BRF1: variants seen among roughly 807,000 people sequenced by gnomAD.
The protein encoded by BRF1 is BRF1 general transcription factor IIIB subunit.
In BRF1, 59 loss-of-function variants were observed where a neutral mutation model predicts 81.7. The ratio of observed to expected loss-of-function variants is 0.72; its 90% CI spans 0.59 to 0.90. The LOEUF (loss-of-function observed/expected upper bound fraction) is 0.90. Ranked by LOEUF, BRF1 falls within the 40% of genes least tolerant of loss-of-function variation. BRF1 has a pLI of 0.00. For missense variants in BRF1, 1,050 were observed against 936.3 expected, an observed-to-expected ratio of 1.12 and a Z score of -1.58; for synonymous variants, 491 against 395.6, an observed-to-expected ratio of 1.24 and a Z score of -2.86.
In BRF1 at chr14:105,271,089, T is replaced by A. The variant is rs587746889; in HGVS notation, c.439+1632A>T. On this transcript the variant is annotated intron_variant, in intron 3 of 17. Transcript: ENST00000547530. The surrounding 1 kb of genome is among the most constrained non-coding windows in gnomAD (Gnocchi z 5.5). ...CCAGAGCTCTTAGAGATGAAAAACATGAAAGAAATGAAACAGCCTGCTGGA... is the reference window on the plus strand; with the variant it reads ...CCAGAGCTCTTAGAGATGAAAAACAAGAAAGAAATGAAACAGCCTGCTGGA... 9.9e-4 allele frequency among the ~76,000 whole-genome samples: 150 copies of A among 152,058 alleles called. 1 individual carries two copies. The highest frequency in any genetic ancestry group is 3.4e-3 in the African/African-American group (140 of 41,484).
chr14:105,306,683 G>A (rs587649115), intron 1 of BRF1, among the ~76,000 whole-genome samples: 51 of 151,930 alleles, frequency 3.4e-4, no homozygotes, highest in African/African-American at 1.2e-3. Flanking sequence ...TTGATGTACC[G>A]CAATCTCTAC....
chr14:105,241,727 C>T (rs750832867), intron 5 of BRF1: 4 of 423,110 alleles, frequency 9.5e-6, no homozygotes, highest in African/African-American at 6.0e-5. Flanking sequence ...GCCTTCCCTC[C>T]AGACCATGCA....
intron 15 of BRF1, chr14:105,212,472 C>G (rs1890276272): frequency 2.7e-6 from 1 of 374,666 alleles, no homozygotes; most frequent in Non-Finnish European, 4.9e-6. Flanking sequence ...TGCCTGGTGC[C>G]CTACCTCACT....
Position 105,219,140 on chromosome 14 carries a change from G to A in BRF1, c.1459+11C>T, listed in dbSNP as rs936591117. The A allele has an allele frequency of 1.9e-6, 3 of 1,612,434 alleles. No homozygotes were observed. The highest frequency in any genetic ancestry group is 1.3e-5 in the African/African-American group (1 of 74,916). On this transcript the variant is annotated intron_variant, in intron 13 of 17. Transcript: ENST00000547530. ...GCGTCCTGCGTGTGAGTGTGGGCGG[G>A]TGGCGCTTACCCCTCTGTTCCCGCA...
chr14:105,256,661 C>A, intron 3 of BRF1, 112 bp from the exon 4 acceptor site: 1 of 1,474,218 alleles, frequency 6.8e-7, no homozygotes, highest in South Asian at 1.3e-5. Context: ...AGTCGCCCCT[C>A]CAAATATAAG....
At chr14:105,302,735 G>A (rs967523368), upstream of BRF1, among the ~76,000 whole-genome samples, 2 of 152,056 alleles carry the variant, frequency 1.3e-5, no homozygotes, top group African/African-American at 4.8e-5. Context: ...ACAGGCATGT[G>A]CCACCACACC....
At position 105,221,654 on chromosome 14, in the gene BRF1, C is replaced by G. The variant is rs373313979; in HGVS notation, c.1309G>C (p.Asp437His). 9 of 1,610,242 alleles carry G rather than the reference C, an allele frequency of 5.6e-6. No homozygotes were observed. The highest frequency in any genetic ancestry group is 4.2e-6 in the Non-Finnish European group (5 of 1,179,614). Reference protein sequence around the residue: ...IRECISSQSSDPKDASGDGEL... With the variant: ...IRECISSQSSHPKDASGDGEL... ...GGGCCCCATCAGAACTCACTGGGGT[C>G]GCTGCTCTGAGAGGAGATGCATTCG... Residue 437 changes from aspartate to histidine, a missense_variant, in exon 11 of 18, where the codon GAC (aspartate) becomes CAC (histidine). Physicochemically the swap from Asp to His is moderately conservative, Grantham distance 81. This residue lies in a region of BRF1 where 1,043 missense variants were observed against 915.4 expected (regional missense o/e 1.14). Transcript: ENST00000547530.
intron 3 of BRF1, among the ~76,000 whole-genome samples, chr14:105,270,091 C>G (rs917101169): frequency 6.6e-5 from 10 of 152,134 alleles, no homozygotes. Flanking sequence ...CCTGGGCACT[C>G]TGCATCATCC....
rs1595389085 is a variant in BRF1, at chr14:105,250,819, T to C, written c.544+1688A>G. 5 of 862,426 alleles carry C rather than the reference T, an allele frequency of 5.8e-6. No individual in the cohort carries two copies. In the East Asian group the frequency reaches 1.3e-4, roughly 23 times the overall value. 53.4% of individuals were successfully genotyped at this position (862,426 alleles called of 1,614,324 possible). On this transcript the variant is annotated intron_variant, in intron 5 of 17. Transcript: ENST00000547530. ...GAAGCTTGACTGTGTAGAGACATTT[T>C]CCACACAGCCAGAACCCAGGGATTG...
intron 5 of BRF1, chr14:105,250,711 G>T: frequency 6.4e-7 from 1 of 1,568,572 alleles, no homozygotes; most frequent in Non-Finnish European, 8.7e-7. Flanking sequence ...CGAGTGAGTG[G>T]AGGGGAAGTC....
intron 1 of BRF1, among the ~76,000 whole-genome samples, chr14:105,292,287 G>A (rs758448582): frequency 1.0e-3 from 155 of 152,236 alleles, no homozygotes; most frequent in Non-Finnish European, 1.7e-3. Context: ...GGGTTCAAGC[G>A]ATTCTCATGC....
chr14:105,228,830 G>T lies in BRF1; in HGVS notation c.778C>A (p.Leu260Met), dbSNP rs756152891. The change falls in exon 7 of 18, where the codon CTG becomes ATG. Residue 260 changes from leucine to methionine, a missense_variant. By Grantham distance (15) the Leu-to-Met change is conservative. Around this residue, in one of 2 missense-constraint regions of BRF1, gnomAD observed 1,043 missense variants for 915.4 expected, o/e 1.14. Transcript: ENST00000547530. ...ISVVKVCESTLRKRLTEFEDT... is the reference protein window; with the variant it reads ...ISVVKVCESTMRKRLTEFEDT... ...ATGAGAGCCCCTCACCTCTTCCGCAGCGTGGACTCACACACTTTGACCACA... is the reference window on the plus strand; with the variant it reads ...ATGAGAGCCCCTCACCTCTTCCGCATCGTGGACTCACACACTTTGACCACA... 5.6e-6 allele frequency: 9 copies of T among 1,613,920 alleles called. No homozygotes were observed. Among genetic ancestry groups the T allele is most frequent in the Non-Finnish European group, 7.6e-6 (9 of 1,180,006 alleles).
intron 7 of BRF1, among the ~76,000 whole-genome samples, chr14:105,228,523 G>T (rs587683387): frequency 6.7e-6 from 1 of 149,434 alleles, no homozygotes; most frequent in Non-Finnish European, 1.5e-5. Flanking sequence ...CAGCCTAAGC[G>T]ACAGAGCAAG....
intron 2 of BRF1, among the ~76,000 whole-genome samples, chr14:105,275,773 A>G (rs1430908452): frequency 6.6e-6 from 1 of 152,216 alleles, no homozygotes; most frequent in Non-Finnish European, 1.5e-5. Context: ...CCTATCCCCT[A>G]CGGGGATGGT....
intron 5 of BRF1, chr14:105,249,818 G>A (rs779036917): frequency 5.6e-6 from 9 of 1,613,456 alleles, no homozygotes; most frequent in Non-Finnish European, 7.6e-6. Flanking sequence ...TGAGGAGCCC[G>A]AGCTGACGCA....
At position 105,221,792 on chromosome 14, in the gene BRF1, CG is replaced by C; in HGVS notation, c.1170del (p.Gly391AlafsTer72). The part of the protein sequence containing the change: ...DLYRELLGGA[P>X]GSSEAAGSPE... Reference sequence around the variant, plus strand: ...GGGCTTCCTGCTGCTTCCGAGCTGCCGGGGGCACCACCAAGGAGCTCCCGGT... The same window carrying C: ...GGGCTTCCTGCTGCTTCCGAGCTGCCGGGGCACCACCAAGGAGCTCCCGGT... On this transcript the variant is annotated frameshift_variant, in exon 11 of 18. Coordinates refer to ENST00000547530, the MANE Select transcript of BRF1 (RefSeq NM_001519.4). LOFTEE classifies it high-confidence loss of function. 4 of 1,611,760 alleles carry C rather than the reference CG, an allele frequency of 2.5e-6. No individual in the cohort carries two copies. Among genetic ancestry groups the C allele is most frequent in the East Asian group, 4.5e-5 (2 of 44,862 alleles).
At chr14:105,247,592 G>C in intron 5 of BRF1, 18 of 985,484 alleles carry the variant, frequency 1.8e-5, no homozygotes, top group Non-Finnish European at 2.0e-5. Flanking sequence ...CGACCACAGA[G>C]ACACAGAGCT....
chr14:105,226,582 T>TC, intron 8 of BRF1, 52 bp downstream of exon 8: 2 of 1,607,616 alleles, frequency 1.2e-6, no homozygotes. Flanking sequence ...GTGTGTGGCT[T>TC]CCCCCCAAGG....
intron 5 of BRF1, among the ~76,000 whole-genome samples, chr14:105,252,119 C>T (rs2055649492): frequency 6.6e-6 from 1 of 152,194 alleles, no homozygotes; most frequent in Non-Finnish European, 1.5e-5. Flanking sequence ...GCACTTGTTT[C>T]CCTGTCTACA....
Sources: allele counts gnomAD v4.1 joint callset (sites outside exome capture counted in the v4.1 genomes callset), GRCh38; gene constraint gnomAD v4.1.1; regional missense constraint gnomAD v4.1.1; non-coding constraint Gnocchi (gnomAD v3.1); transcripts MANE v1.5; gene names NCBI Gene and HGNC (gene_info 2026-07-23, HGNC 2026-07-21).